The following XDH variants were observed in gnomAD, a reference collection of about 807,000 sequenced individuals.
XDH encodes the protein xanthine dehydrogenase/oxidase.
In XDH, 138 loss-of-function variants were observed where a neutral mutation model predicts 156.1. That is an observed-to-expected ratio of 0.88 (90% CI 0.77 to 1.02). XDH has a LOEUF of 1.02. Ranked by LOEUF, XDH falls within the 50% of genes least tolerant of loss-of-function variation. The pLI is 0.00. For missense variants in XDH, 1,849 were observed against 1,684.9 expected (o/e 1.10, Z -1.71); for synonymous variants, 669 against 625.7 (o/e 1.07, Z -1.03).
chr2:31,381,702 C>A lies in XDH; in HGVS notation c.1063G>T (p.Ala355Ser). Residue 355 changes from alanine to serine, a missense_variant, in exon 12 of 36, where the codon GCC becomes TCC. Coordinates refer to ENST00000379416, the MANE Select transcript of XDH (RefSeq NM_000379.4). ...GGGTTGAGGTCGGAGATGGGGCTGG[C>A]AGTGATGATGTTCCCTCCAACGGAC... ...VASVGGNIIT[A>S]SPISDLNPVF... 1 of 1,613,836 alleles carries A rather than the reference C, an allele frequency of 6.2e-7. No individual in the cohort carries two copies. Among genetic ancestry groups the A allele is most frequent in the African/African-American group, 1.3e-5 (1 of 75,010 alleles).
chr2:31,403,194 G>A (rs1279313709), intron 2 of XDH, 50 bp from the exon 3 acceptor site: 1 of 1,595,326 alleles, frequency 6.3e-7, no homozygotes, highest in Non-Finnish European at 8.6e-7. Context: ...GGAGTCTGCT[G>A]GGTTGCTAGG....
intron 6 of XDH, chr2:31,389,478 G>C (rs1297599775): frequency 6.6e-6 from 1 of 152,432 alleles, no homozygotes; most frequent in African/African-American, 2.4e-5. Flanking sequence ...TATTTAGAAA[G>C]AAAGAAAGGA....
At chr2:31,398,777 C>A (rs2148004248) in intron 4 of XDH, 78 bp from the exon 5 acceptor site, 1 of 1,599,636 alleles carries the variant, frequency 6.3e-7, no homozygotes, top group Non-Finnish European at 8.5e-7. Flanking sequence ...CTGGAGCCAG[C>A]ACATGTTGAG....
chr2:31,339,462 G>C (rs1558672134), intron 34 of XDH, 27 bp downstream of exon 34: 1 of 1,613,362 alleles, frequency 6.2e-7, no homozygotes, highest in South Asian at 1.1e-5. Flanking sequence ...GATCAGAAGA[G>C]ACAGCACAGA....
In XDH at chr2:31,366,903, G is replaced by C; in HGVS notation, c.2289C>G (p.Leu763=). 6.2e-7 allele frequency: 1 copy of C among 1,614,206 alleles called. No homozygotes were observed. The highest frequency in any genetic ancestry group is 1.1e-5 in the South Asian group (1 of 91,086). The change falls in exon 21 of 36, where the codon CTC becomes CTG. Residue 763 remains leucine (L), a synonymous_variant. Coordinates refer to ENST00000379416, the MANE Select transcript of XDH (RefSeq NM_000379.4). ...TCATGGTGTTCTGTGTAGACACAAA[G>C]AGCTCCATCTCCCCTGCCTCGCCTT... The part of the protein sequence containing the change: ...VPKGEAGEME[L]FVSTQNTMKT...
rs955933583 is a variant in XDH at position 31,350,149 on chromosome 2, G to A, written c.2706C>T (p.Cys902=). The A allele has an allele frequency of 6.2e-7, 1 of 1,614,116 alleles. No individual in the cohort carries two copies. Among genetic ancestry groups the A allele is most frequent in the Non-Finnish European group, 8.5e-7 (1 of 1,180,058 alleles). ...CCGTGTTGGAGGGAAGGTTGGTTTTGCACAGCCGCCCAGTGCCCCGGATGT... is the reference window on the plus strand; with the variant it reads ...CCGTGTTGGAGGGAAGGTTGGTTTTACACAGCCGCCCAGTGCCCCGGATGT... The part of the protein sequence containing the change: ...IPNIRGTGRL[C]KTNLPSNTAF... The change falls in exon 25 of 36, where the codon TGC becomes TGT. Residue 902 remains cysteine (C), a synonymous_variant. Transcript: ENST00000379416.
At chr2:31,351,901 T>C (rs1041133505) in intron 24 of XDH, among the ~76,000 whole-genome samples, 3 of 152,230 alleles carry the variant, frequency 2.0e-5, no homozygotes, top group African/African-American at 7.2e-5. Context: ...TTCTGTTTTT[T>C]CTTCCTGAAA....
chr2:31,348,201 C>T, intron 28 of XDH, 67 bp downstream of exon 28: 1 of 1,517,206 alleles, frequency 6.6e-7, no homozygotes, highest in Non-Finnish European at 9.1e-7. Context: ...TGATAGGTCC[C>T]ACTGCTCAAT....
At chr2:31,398,516 C>T in intron 5 of XDH, 57 bp downstream of exon 5, 2 of 1,611,220 alleles carry the variant, frequency 1.2e-6, no homozygotes, top group African/African-American at 1.3e-5. Flanking sequence ...CTTGCCCTGA[C>T]CTCTGCAGGG....
intron 16 of XDH, 133 bp from the exon 17 acceptor site, chr2:31,372,530 C>T (rs770428489): frequency 1.2e-4 from 142 of 1,223,900 alleles, no homozygotes; most frequent in Non-Finnish European, 1.6e-4. Context: ...TTCAGAGGGG[C>T]GTGGGGCAAA....
At chr2:31,339,441 C>G in intron 34 of XDH, 48 bp downstream of exon 34, 1 of 1,612,000 alleles carries the variant, frequency 6.2e-7, no homozygotes, top group Non-Finnish European at 8.5e-7. Context: ...GCTGGGGCCT[C>G]CCCCAGGGCA....
At chr2:31,383,341 A>G (rs1344286516) in intron 10 of XDH, among the ~76,000 whole-genome samples, 189 bp from the exon 11 acceptor site, 2 of 152,150 alleles carry the variant, frequency 1.3e-5, no homozygotes, top group African/African-American at 4.8e-5. Context: ...CTAATAAAAG[A>G]GCCAGTACTC....
At position 31,350,103 on chromosome 2, in the gene XDH, G is replaced by A. The variant is rs1231483139; in HGVS notation, c.2752C>T (p.Pro918Ser). The stretch of plus-strand genomic sequence containing the variant: ...CACTCGGCAATGAGCATCCCCTGGG[G>A]CCCCCCAAAGCCCCGGAAGGCCGTG... ...SNTAFRGFGG[P>S]QGMLIAECWM... The change falls in exon 25 of 36, where the codon CCC becomes TCC. Residue 918 changes from proline (P) to serine (S), a missense_variant. Physicochemically the swap from Pro to Ser is moderately conservative, Grantham distance 74. Transcript: ENST00000379416. 2 of 1,614,228 alleles carry A rather than the reference G, an allele frequency of 1.2e-6. No homozygotes were observed. Among genetic ancestry groups the A allele is most frequent in the Non-Finnish European group, 1.7e-6 (2 of 1,180,034 alleles).
At chr2:31,347,735 A>G in intron 28 of XDH, 85 bp from the exon 29 acceptor site, 1 of 1,540,808 alleles carries the variant, frequency 6.5e-7, no homozygotes. Context: ...ATTCACATTC[A>G]CTGTTACAGG....
At chr2:31,365,646 G>T in intron 22 of XDH, 102 bp from the exon 23 acceptor site, 2 of 1,348,526 alleles carry the variant, frequency 1.5e-6, no homozygotes, top group East Asian at 2.3e-5. Flanking sequence ...TTTTCCACCT[G>T]CACGCTGAGC....
intron 31 of XDH, among the ~76,000 whole-genome samples, chr2:31,343,551 C>CCTTATATAAGGCATATATATATGT (rs1158142523): frequency 7.2e-6 from 1 of 139,688 alleles, no homozygotes; most frequent in African/African-American, 2.7e-5. Context: ...TATATATATG[C>CCTTATATAAGGCATATATATATGT]CTTATATAAG....
In XDH at chr2:31,388,155, T is replaced by C. The variant is rs796546969; in HGVS notation, c.564+72A>G. On this transcript the variant is annotated intron_variant, in intron 7 of 35. Transcript: ENST00000379416. ...CTTCCAGCCCCCACCGCCAGGGACATGGAGCTCGTGCACTGACTCCTCTAA... is the reference window on the plus strand; with the variant it reads ...CTTCCAGCCCCCACCGCCAGGGACACGGAGCTCGTGCACTGACTCCTCTAA... 1.0e-5 allele frequency: 16 copies of C among 1,541,016 alleles called. 1 individual carries two copies. In the African/African-American group the frequency reaches 1.6e-4, roughly 16 times the overall value.
At chr2:31,347,708 C>G in intron 28 of XDH, 58 bp from the exon 29 acceptor site, 1 of 1,589,304 alleles carries the variant, frequency 6.3e-7, no homozygotes, top group Non-Finnish European at 8.6e-7. Context: ...GCTTGGCTGC[C>G]TTCTCCCCAA....
intron 21 of XDH, 127 bp downstream of exon 21, chr2:31,366,743 A>G (rs1685924014): frequency 6.9e-7 from 1 of 1,454,800 alleles, no homozygotes; most frequent in Non-Finnish European, 9.6e-7. Context: ...CTCCAGGACT[A>G]TGACACTCGA....
Sources: gnomAD v4.1 joint callset for allele counts (sites outside exome capture counted in the v4.1 genomes callset) on GRCh38, gnomAD v4.1.1 for gene constraint, MANE v1.5 for transcripts, NCBI Gene and HGNC (gene_info 2026-07-23, HGNC 2026-07-21) for gene names.